The following MORC4 variants were observed in gnomAD, a reference collection of about 807,000 sequenced individuals.
The protein encoded by MORC4 is MORC family CW-type zinc finger protein 4.
A neutral mutation model predicts 65.5 loss-of-function variants in MORC4; 22 were observed. The observed-to-expected ratio is 0.34, with a 90% CI of 0.24 to 0.48. MORC4 has a LOEUF of 0.48. Among genes scored for constraint, MORC4 ranks in the 20% least tolerant of loss-of-function variants. The pLI is 0.99. For synonymous variants in MORC4, 267 were observed against 255.8 expected (o/e 1.04, Z -0.42); for missense variants, 624 against 703.0 (o/e 0.89, Z 1.27).
chrX:106,994,770 A>G (rs1935045446), intron 2 of MORC4, among the ~76,000 whole-genome samples: 1 of 108,201 alleles, frequency 9.2e-6, no homozygotes, highest in South Asian at 3.8e-4. Context: ...TGGTATAGTC[A>G]ATCTTTTTTT....
chrX:106,981,238 G>A (rs906193215), intron 6 of MORC4, 107 bp downstream of exon 6: 12 of 931,863 alleles, frequency 1.3e-5, no homozygotes, highest in African/African-American at 5.9e-5. Context: ...CTAGCACATG[G>A]CTGGAACGTT....
Position 106,961,656 on chromosome X carries a change from G to A in MORC4, c.1256+356C>T, listed in dbSNP as rs182469594. Among the ~76,000 whole-genome samples the A allele has an allele frequency of 8.8e-4, 98 of 111,590 alleles. No individual in the cohort carries two copies. In the South Asian group the frequency reaches 0.015, roughly 17 times the overall value. On this transcript the variant is annotated intron_variant, in intron 10 of 16. Coordinates refer to ENST00000355610, the MANE Select transcript of MORC4 (RefSeq NM_024657.5). ...GATTCTAAAAGTAGCCAATCACAGA[G>A]AGGATTGAAAAAAGGGCACTCTGAT... is the stretch of plus-strand genomic sequence containing the variant.
rs1934864853 is a variant in MORC4, at chrX:106,986,118, G to A, written c.391C>T (p.Arg131Trp). 8.3e-7 allele frequency: 1 copy of A among 1,210,354 alleles called. No individual in the cohort carries two copies. The highest frequency in any genetic ancestry group is 1.1e-6 in the Non-Finnish European group (1 of 894,410). Reference protein sequence around the residue: ...FGNGFKSGSMRLGKDALVFTK... With the variant: ...FGNGFKSGSMWLGKDALVFTK... ...AAGACAAGGGCGTCCTTTCCTAGCC[G>A]CATGGAGCCTGACTTGAAACCATTA... Residue 131 changes from arginine (R) to tryptophan (W), a missense_variant, in exon 4 of 17, where the codon CGG (arginine) becomes TGG (tryptophan). Coordinates refer to ENST00000355610, the MANE Select transcript of MORC4 (RefSeq NM_024657.5).
intron 9 of MORC4, 85 bp downstream of exon 9, chrX:106,976,499 T>G: frequency 1.8e-6 from 1 of 548,196 alleles, no homozygotes; most frequent in Admixed American, 3.1e-5. Flanking sequence ...TTTAGCTGCT[T>G]TTTAGAGATG....
rs186705340 is a variant in MORC4, at chrX:106,966,999, C to T, written c.1158-4889G>A. 4.4e-4 allele frequency among the ~76,000 whole-genome samples: 49 copies of T among 112,130 alleles called. No homozygotes were observed. In the South Asian group the frequency reaches 4.9e-3, roughly 11 times the overall value. ...AGTTCTGATAACGGACAGACTGCCT[C>T]CTCAAGTAAGTCCCTGACCCCCGTG... On this transcript the variant is annotated intron_variant, in intron 9 of 16. Transcript: ENST00000355610.
At chrX:106,962,755 A>C (rs1384938316) in intron 9 of MORC4, among the ~76,000 whole-genome samples, 2 of 111,958 alleles carry the variant, frequency 1.8e-5, no homozygotes, top group Admixed American at 9.5e-5. Context: ...CAGTAGACTC[A>C]GGGTCAACAA....
intron 14 of MORC4, among the ~76,000 whole-genome samples, chrX:106,945,725 C>T (rs1456000381): frequency 1.8e-5 from 2 of 111,257 alleles, no homozygotes; most frequent in Non-Finnish European, 3.8e-5. Context: ...GTTTTATATA[C>T]TAGAAATTCT....
intron 9 of MORC4, among the ~76,000 whole-genome samples, chrX:106,973,676 GAA>G (rs1934568835): frequency 8.9e-6 from 1 of 111,940 alleles, no homozygotes; most frequent in Admixed American, 9.5e-5. Flanking sequence ...GAGTGCAGCA[GAA>G]GAGTCAGAAT....
At chrX:106,998,740 G>C (rs1319395803) in intron 2 of MORC4, among the ~76,000 whole-genome samples, 2 of 111,747 alleles carry the variant, frequency 1.8e-5, no homozygotes, top group Non-Finnish European at 3.8e-5. Flanking sequence ...AATCATCAAA[G>C]GTCTCTATCA....
At position 106,943,176 on chromosome X, in the gene MORC4, G is replaced by A; in HGVS notation, c.1715C>T (p.Pro572Leu). The A allele has an allele frequency of 3.3e-6, 4 of 1,204,974 alleles. No homozygotes were observed. The highest frequency in any genetic ancestry group is 1.7e-5 in the African/African-American group (1 of 57,522). ...SKYKWILGEE[P>L]VEKRRRLQNE... Reference sequence around the variant, plus strand: ...CTGGAGCCTTCTTCGTTTCTCCACCGGTTCTTCACCTAGGATCCATTTGTA... The same window carrying A: ...CTGGAGCCTTCTTCGTTTCTCCACCAGTTCTTCACCTAGGATCCATTTGTA... Residue 572 changes from proline (P) to leucine (L), a missense_variant, in exon 15 of 17, where the codon CCG becomes CTG. Pro to Leu is a moderately conservative substitution (Grantham distance 98, BLOSUM62 -3). Transcript: ENST00000355610.
Position 106,999,857 on chromosome X carries a change from C to T in MORC4, c.102+11G>A. 2.4e-6 allele frequency: 2 copies of T among 843,406 alleles called. No homozygotes were observed. Among genetic ancestry groups the T allele is most frequent in the Middle Eastern group, 5.7e-4 (1 of 1,743 alleles). 69.5% of individuals were successfully genotyped at this position (843,406 alleles called of 1,213,427 possible). A position where few individuals can be genotyped will look rare whatever the true frequency, so the allele number is the denominator to read the frequency against. ...CGCGCGCGCGTCCGCCCCCTCGGGC[C>T]CCGGACCTACCGTGCTCAGGCGGAT... On this transcript the variant is annotated intron_variant, in intron 1 of 16. Coordinates refer to ENST00000355610, the MANE Select transcript of MORC4 (RefSeq NM_024657.5).
intron 9 of MORC4, among the ~76,000 whole-genome samples, chrX:106,975,782 T>C (rs1934609740): frequency 9.0e-6 from 1 of 111,112 alleles, no homozygotes. Flanking sequence ...ATATTTAATA[T>C]CAAATATAAT....
intron 5 of MORC4, among the ~76,000 whole-genome samples, chrX:106,984,465 C>CTTTTT (rs762110163): frequency 1.8e-4 from 13 of 71,387 alleles, no homozygotes; most frequent in Admixed American, 3.4e-4. Context: ...TTTCTTTTTT[C>CTTTTT]TTTTTTTTTT....
intron 3 of MORC4, among the ~76,000 whole-genome samples, chrX:106,990,129 C>T (rs1288118579): frequency 9.5e-6 from 1 of 105,090 alleles, no homozygotes; most frequent in Non-Finnish European, 2.0e-5. Context: ...GCGGAGGTTG[C>T]AGTGAGCCGA....
intron 3 of MORC4, among the ~76,000 whole-genome samples, chrX:106,986,447 T>A (rs1429691423): frequency 8.9e-6 from 1 of 112,005 alleles, no homozygotes; most frequent in Admixed American, 9.5e-5. Flanking sequence ...TCCATTACGT[T>A]AGAGTCACAC....
chrX:106,957,709 A>G (rs376410258), intron 11 of MORC4, among the ~76,000 whole-genome samples: 4 of 111,896 alleles, frequency 3.6e-5, no homozygotes, highest in Admixed American at 1.9e-4. Context: ...AACATATGGT[A>G]TATTAGGAAG....
chrX:106,944,413 T>C (rs1237296945), intron 14 of MORC4, among the ~76,000 whole-genome samples: 1 of 111,955 alleles, frequency 8.9e-6, no homozygotes, highest in African/African-American at 3.2e-5. Flanking sequence ...AGTTGGCAGG[T>C]ACAAAGGAAA....
At chrX:106,970,558 T>C (rs1236508778) in intron 9 of MORC4, among the ~76,000 whole-genome samples, 1 of 112,049 alleles carries the variant, frequency 8.9e-6, no homozygotes, top group African/African-American at 3.2e-5. Flanking sequence ...GACATGACTG[T>C]ATACTTAGAA....
At chrX:106,999,545 G>C in intron 2 of MORC4, 132 bp downstream of exon 2, 1 of 492,955 alleles carries the variant, frequency 2.0e-6, no homozygotes, top group Non-Finnish European at 3.0e-6. Context: ...TGCGGAGCCG[G>C]GGCCGGTTCC....
Sources: gnomAD v4.1 joint callset for allele counts (sites outside exome capture counted in the v4.1 genomes callset) on GRCh38, gnomAD v4.1.1 for gene constraint, MANE v1.5 for transcripts, NCBI Gene and HGNC (gene_info 2026-07-23, HGNC 2026-07-21) for gene names.